TBC1D30: variants seen among roughly 807,000 people sequenced by gnomAD.
TBC1D30 encodes TBC1 domain family member 30.
A neutral mutation model predicts 63.2 loss-of-function variants in TBC1D30; 31 were observed. That is an observed-to-expected ratio of 0.49 (90% confidence interval 0.37 to 0.66). TBC1D30 has a LOEUF of 0.66. TBC1D30 is among the 30% of genes least tolerant of loss of function. TBC1D30 has a pLI of 0.00. For synonymous variants in TBC1D30, 307 were observed against 361.5 expected (o/e 0.85, Z 1.71); for missense variants, 810 against 953.6 (o/e 0.85, Z 1.98).
chr12:64,765,490 C>CAAAAAAAAAAAAA lies in TBC1D30; in HGVS notation c.-376+5859_-376+5871dup, dbSNP rs60489979. 5.1e-4 allele frequency among the ~76,000 whole-genome samples: 9 copies of CAAAAAAAAAAAAA among 17,600 alleles called. 1 individual carries two copies. Among genetic ancestry groups the CAAAAAAAAAAAAA allele is most frequent in the African/African-American group, 1.4e-3 (9 of 6,550 alleles). 11.5% of individuals were successfully genotyped at this position (17,600 alleles called of 152,430 possible). A position where few individuals can be genotyped will look rare whatever the true frequency, so the allele number is the denominator to read the frequency against. ...CTGGGCGACAGAGCAAGACTGTCTC[C>CAAAAAAAAAAAAA]AAAAAAAAAAAAAAAAAAAAAAAAA... On this transcript the variant is annotated intron_variant, in intron 1 of 13. Transcript: ENST00000674237.
chr12:64,845,347 T>G (rs1477099790), intron 8 of TBC1D30, among the ~76,000 whole-genome samples: 1 of 152,202 alleles, frequency 6.6e-6, no homozygotes, highest in Non-Finnish European at 1.5e-5. Flanking sequence ...TCATTTTGAT[T>G]TGCATTTTTC....
intron 2 of TBC1D30, among the ~76,000 whole-genome samples, chr12:64,800,379 A>AT (rs1192157613): frequency 6.6e-6 from 1 of 152,168 alleles, no homozygotes; most frequent in African/African-American, 2.4e-5. Context: ...TTCAGAGGTC[A>AT]TTTTGACAGC....
chr12:64,866,181 G>A (rs1019098519), intron 9 of TBC1D30, among the ~76,000 whole-genome samples: 18 of 152,002 alleles, frequency 1.2e-4, no homozygotes, highest in African/African-American at 4.4e-4. Flanking sequence ...AAGATTTCTT[G>A]TATAAATAAA....
chr12:64,871,680 T>C (rs543016875), intron 11 of TBC1D30, among the ~76,000 whole-genome samples: 43 of 152,244 alleles, frequency 2.8e-4, no homozygotes, highest in Admixed American at 5.2e-4. Flanking sequence ...TCAAAAACAT[T>C]GGCACATACA....
chr12:64,825,405 G>T, intron 1 of TBC1D30: 1 of 216,082 alleles, frequency 4.6e-6, no homozygotes, highest in East Asian at 1.1e-4. Context: ...GCCAGACCTT[G>T]CGAGAGGTGT....
intron 5 of TBC1D30, among the ~76,000 whole-genome samples, chr12:64,834,451 G>C (rs1416194470): frequency 7.1e-6 from 1 of 141,166 alleles, no homozygotes; most frequent in East Asian, 2.1e-4. Flanking sequence ...CTGTCACCCA[G>C]GCTAGAGTGC....
chr12:64,864,816 G>T (rs1378616520), intron 9 of TBC1D30, 36 bp downstream of exon 9: 122 of 1,365,680 alleles, frequency 8.9e-5, no homozygotes, highest in Non-Finnish European at 1.2e-4. Flanking sequence ...TTTCATGATG[G>T]AGGACTTAAT....
chr12:64,785,831 G>C, intron 1 of TBC1D30: 2 of 1,240,326 alleles, frequency 1.6e-6, no homozygotes, highest in Non-Finnish European at 1.1e-6. Context: ...ACTGGAATTT[G>C]TATTCCTCTC....
intron 8 of TBC1D30, among the ~76,000 whole-genome samples, chr12:64,856,170 G>T (rs1360949167): frequency 6.6e-6 from 1 of 151,892 alleles, no homozygotes; most frequent in Non-Finnish European, 1.5e-5. Flanking sequence ...TAGATGGGGG[G>T]GGTGGGGGCG....
chr12:64,777,349 C>G (rs1267875739), upstream of TBC1D30, among the ~76,000 whole-genome samples: 1 of 152,190 alleles, frequency 6.6e-6, no homozygotes, highest in East Asian at 1.9e-4. Context: ...GGTCCTATAT[C>G]TAGAAAACTC....
chr12:64,765,357 C>T (rs1244796), intron 1 of TBC1D30, among the ~76,000 whole-genome samples: 89,683 of 150,852 alleles, frequency 0.59, 26,939 homozygotes, highest in East Asian at 0.89. Context: ...GGCATGGTGG[C>T]GGGTGCCTGT....
At chr12:64,825,903 A>G (rs1027362051) in intron 1 of TBC1D30, among the ~76,000 whole-genome samples, 3 of 152,234 alleles carry the variant, frequency 2.0e-5, no homozygotes, top group Admixed American at 2.0e-4. Flanking sequence ...CCCCAGCGCC[A>G]GCGCCTTGGG....
chr12:64,785,602 C>T (rs1197250226), intron 1 of TBC1D30, among the ~76,000 whole-genome samples: 2 of 152,020 alleles, frequency 1.3e-5, no homozygotes, highest in East Asian at 3.9e-4. Flanking sequence ...AAATTTGCAG[C>T]CAGAGCTAGA....
intron 1 of TBC1D30, among the ~76,000 whole-genome samples, chr12:64,765,655 T>C (rs763950090): frequency 2.0e-5 from 3 of 151,694 alleles, no homozygotes; most frequent in Non-Finnish European, 2.9e-5. Flanking sequence ...TATAACTTGT[T>C]CAAGTATTTA....
intron 8 of TBC1D30, among the ~76,000 whole-genome samples, chr12:64,856,982 T>C (rs1877358548): frequency 6.6e-6 from 1 of 152,090 alleles, no homozygotes; most frequent in Non-Finnish European, 1.5e-5. Flanking sequence ...GGAGTCACCC[T>C]TCAGGGCAGT....
chr12:64,806,178 C>T (rs1460676903), intron 2 of TBC1D30, among the ~76,000 whole-genome samples: 1 of 152,238 alleles, frequency 6.6e-6, no homozygotes, highest in East Asian at 1.9e-4. Context: ...AAGGCTGGGG[C>T]TAGGCTTTCT....
chr12:64,864,583 C>A (rs1878056870), intron 8 of TBC1D30, 85 bp from the exon 9 acceptor site: 4 of 941,492 alleles, frequency 4.2e-6, no homozygotes, highest in Non-Finnish European at 6.6e-6. Flanking sequence ...CACTCGACTT[C>A]ATAAAACTTT....
At chr12:64,825,345 C>T in intron 1 of TBC1D30, 1 of 343,960 alleles carries the variant, frequency 2.9e-6, no homozygotes, top group Non-Finnish European at 5.3e-6. Flanking sequence ...CGGGTGGCTG[C>T]CCGGGCCCTC....
intron 1 of TBC1D30, among the ~76,000 whole-genome samples, chr12:64,785,166 TTTG>T (rs1237114063): frequency 9.3e-6 from 1 of 107,994 alleles, no homozygotes; most frequent in Admixed American, 9.5e-5. Context: ...TTTTTTTTTC[TTTG>T]AGACGGAGTT....
Sources: allele counts gnomAD v4.1 joint callset (sites outside exome capture counted in the v4.1 genomes callset), GRCh38; gene constraint gnomAD v4.1.1; transcripts MANE v1.5; gene names NCBI Gene and HGNC (gene_info 2026-07-23, HGNC 2026-07-21).